AMPH: variants seen among roughly 807,000 people sequenced by gnomAD.
AMPH encodes the protein amphiphysin (Stiff-Mann syndrome with breast cancer 128kD autoantigen).
A neutral mutation model predicts 99.1 loss-of-function variants in AMPH; 49 were observed. The observed-to-expected ratio is 0.49, with a 90% confidence interval of 0.39 to 0.63. The LOEUF (loss-of-function observed/expected upper bound fraction) is 0.63. Ranked by LOEUF, AMPH falls within the 20% of genes least tolerant of loss-of-function variation. AMPH has a pLI of 0.00. For synonymous variants in AMPH, 314 were observed against 317.3 expected (o/e 0.99, Z 0.11); for missense variants, 759 against 863.4 (o/e 0.88, Z 1.52).
At chr7:38,621,009 T>G (rs1794039909) in intron 1 of AMPH, among the ~76,000 whole-genome samples, 4 of 152,304 alleles carry the variant, frequency 2.6e-5, no homozygotes, top group Admixed American at 2.0e-4. Context: ...AAGAGATCAT[T>G]TATAAGGCCA....
At chr7:38,422,595 TATCTATCCATCTATC>T (rs766921016) in intron 15 of AMPH, 118 bp from the exon 16 acceptor site, 40,774 of 766,364 alleles carry the variant, frequency 0.053, 1,730 homozygotes, top group African/African-American at 0.17. Flanking sequence ...TCTATCTATC[TATCTATCCATCTATC>T]TATCGACACT....
intron 6 of AMPH, 98 bp downstream of exon 6, chr7:38,476,736 GTTTCAGTTTAAATTCTGTTCAGATTCCA>G: frequency 3.2e-6 from 2 of 629,024 alleles, no homozygotes; most frequent in Non-Finnish European, 5.5e-6. Context: ...AAAGCACTAT[GTTTCAGTTTAAATTCTGTTCAGATTCCA>G]ATCTCCTTTT....
chr7:38,575,853 C>T (rs769660778), intron 1 of AMPH, among the ~76,000 whole-genome samples: 7 of 152,152 alleles, frequency 4.6e-5, no homozygotes, highest in Admixed American at 4.6e-4. Flanking sequence ...CATTCTATTC[C>T]TAAGGGGAAT....
At chr7:38,411,684 G>A (rs1411661567) in intron 17 of AMPH, among the ~76,000 whole-genome samples, 1 of 152,162 alleles carries the variant, frequency 6.6e-6, no homozygotes, top group Non-Finnish European at 1.5e-5. Flanking sequence ...TAAGGCTCTT[G>A]TAGGTCTAAA....
chr7:38,462,108 T>C lies in AMPH; in HGVS notation c.889-697A>G, dbSNP rs558638617. Among the ~76,000 whole-genome samples the C allele has an allele frequency of 7.2e-5, 11 of 152,308 alleles. No individual in the cohort carries two copies. The East Asian group carries it at 2.1e-3, about 29-fold the overall frequency. On this transcript the variant is annotated intron_variant, in intron 10 of 20. Coordinates refer to ENST00000356264, the MANE Select transcript of AMPH (RefSeq NM_001635.4). ...ACGAGGGTAAATGACTGCTATTATG[T>C]TCTACAGTGTACTATAGTCAGTAAA...
intron 1 of AMPH, among the ~76,000 whole-genome samples, chr7:38,548,105 G>A (rs375953592): frequency 2.7e-5 from 4 of 149,990 alleles, no homozygotes; most frequent in Non-Finnish European, 4.4e-5. Flanking sequence ...CTCCGCTCAC[G>A]GCAAGCTCCA....
chr7:38,606,382 C>G (rs1793434249), intron 1 of AMPH, among the ~76,000 whole-genome samples: 1 of 152,100 alleles, frequency 6.6e-6, no homozygotes, highest in African/African-American at 2.4e-5. Flanking sequence ...AGTCCCTATT[C>G]CTCCCTCTCC....
chr7:38,444,562 C>A (rs1461873966), intron 11 of AMPH, among the ~76,000 whole-genome samples: 6 of 151,932 alleles, frequency 3.9e-5, no homozygotes, highest in African/African-American at 1.2e-4. Flanking sequence ...TATCTGCAAG[C>A]CAAGGAACCC....
chr7:38,429,372 T>TC (rs1554334897), intron 14 of AMPH: 4 of 1,290,432 alleles, frequency 3.1e-6, no homozygotes, highest in Non-Finnish European at 4.0e-6. Context: ...TAATCTTATG[T>TC]CTTGCTCTGT....
intron 4 of AMPH, 137 bp from the exon 5 acceptor site, chr7:38,491,282 C>A: frequency 3.2e-6 from 2 of 618,480 alleles, no homozygotes; most frequent in Non-Finnish European, 5.6e-6. Flanking sequence ...AAATGAGAAT[C>A]ATTTAATAAT....
At chr7:38,558,791 C>T (rs1411627969) in intron 1 of AMPH, among the ~76,000 whole-genome samples, 1 of 152,152 alleles carries the variant, frequency 6.6e-6, no homozygotes, top group Non-Finnish European at 1.5e-5. Flanking sequence ...TCCGGTGACC[C>T]AGGCCAGTCA....
intron 5 of AMPH, among the ~76,000 whole-genome samples, chr7:38,484,354 A>C (rs1244363788): frequency 6.6e-6 from 1 of 152,166 alleles, no homozygotes; most frequent in Non-Finnish European, 1.5e-5. Flanking sequence ...ATTTCAAAGT[A>C]GCAAGAGAAA....
At chr7:38,624,259 GA>G (rs1251986333) in intron 1 of AMPH, among the ~76,000 whole-genome samples, 4 of 150,590 alleles carry the variant, frequency 2.7e-5, no homozygotes, top group Non-Finnish European at 4.4e-5. Context: ...TGTAATGCAT[GA>G]AAAAAAAATT....
chr7:38,448,500 T>C (rs766356272), intron 11 of AMPH, among the ~76,000 whole-genome samples: 8 of 152,190 alleles, frequency 5.3e-5, no homozygotes, highest in Non-Finnish European at 1.0e-4. Flanking sequence ...AGTAAGAGAT[T>C]GATGACAACA....
At chr7:38,514,821 G>A (rs114830560) in intron 2 of AMPH, among the ~76,000 whole-genome samples, 2,677 of 152,298 alleles carry the variant, frequency 0.018, 83 homozygotes, top group African/African-American at 0.061. Context: ...TATTGTAGCA[G>A]CAGACTGAGA....
At chr7:38,534,669 CCT>C in intron 2 of AMPH, among the ~76,000 whole-genome samples, 1 of 152,050 alleles carries the variant, frequency 6.6e-6, no homozygotes, top group East Asian at 1.9e-4. Context: ...TGAATGAGAC[CCT>C]GTTTCAAAAA....
intron 17 of AMPH, among the ~76,000 whole-genome samples, chr7:38,412,569 G>C (rs1361932408): frequency 1.3e-5 from 2 of 152,166 alleles, no homozygotes; most frequent in African/African-American, 4.8e-5. Flanking sequence ...TACAAACCCA[G>C]ATCAACCTGC....
intron 17 of AMPH, among the ~76,000 whole-genome samples, chr7:38,395,158 G>T (rs75962933): frequency 0.058 from 8,830 of 152,116 alleles, 357 homozygotes; most frequent in East Asian, 0.19. Context: ...TTTAGAAAGA[G>T]TGCATTTTAG....
At chr7:38,624,426 G>A (rs1041535640) in intron 1 of AMPH, among the ~76,000 whole-genome samples, 8 of 151,678 alleles carry the variant, frequency 5.3e-5, no homozygotes, top group Admixed American at 3.3e-4. Context: ...GATGGAGTTC[G>A]CTCTGTCGCC....
Sources: allele counts gnomAD v4.1 joint callset (sites outside exome capture counted in the v4.1 genomes callset), GRCh38; gene constraint gnomAD v4.1.1; transcripts MANE v1.5; gene names NCBI Gene and HGNC (gene_info 2026-07-23, HGNC 2026-07-21).